Variants in TF observed in about 807,000 individuals in gnomAD.
TF encodes transferrin.
A neutral mutation model predicts 82.4 loss-of-function variants in TF; 55 were observed. The ratio of observed to expected loss-of-function variants is 0.67; its 90% CI spans 0.54 to 0.84. TF has a LOEUF of 0.84. Ranked by LOEUF, TF falls within the 40% of genes least tolerant of loss-of-function variation. The pLI is 0.00. For synonymous variants in TF, 332 were observed against 332.6 expected (o/e 1.00, Z 0.02); for missense variants, 737 against 868.4 (o/e 0.85, Z 1.90).
upstream of TF, among the ~76,000 whole-genome samples, chr3:133,741,174 T>G (rs1343921778): frequency 6.6e-6 from 1 of 151,880 alleles, no homozygotes; most frequent in Non-Finnish European, 1.5e-5. Flanking sequence ...GTATTTTTAG[T>G]AGAGAAGGGG....
At chr3:133,698,728 T>A in the TF span, among the ~76,000 whole-genome samples, 2 of 152,220 alleles carry the variant, frequency 1.3e-5, no homozygotes, top group African/African-American at 4.8e-5. Flanking sequence ...GGTCCCTATT[T>A]CCAAATAAGG....
rs1013075107 is a variant in TF, at chr3:133,795,392, C to T, written c.*16772C>T. 2 of 152,038 alleles carry T rather than the reference C, an allele frequency of 1.3e-5. No individual in the cohort carries two copies. The highest frequency in any genetic ancestry group is 4.8e-5 in the African/African-American group (2 of 41,372). The allele number at this position is 152,038 out of a possible 1,614,324, so 9.4% of individuals were successfully genotyped here. A position where few individuals can be genotyped will look rare whatever the true frequency, so the allele number is the denominator to read the frequency against. On this transcript the variant is annotated 3_prime_UTR_variant, in exon 17 of 17. Transcript: ENST00000402696. ...TGCCACCTCTAGAATGTCAAATGGC[C>T]TCTCTTCAACTGGAATGACAAGAGC...
At chr3:133,753,440 CAG>C (rs8177214) in intron 2 of TF, among the ~76,000 whole-genome samples, 153 bp from the exon 3 acceptor site, 15,190 of 152,194 alleles carry the variant, frequency 0.1, 796 homozygotes, top group Non-Finnish European at 0.11. Flanking sequence ...GCGAGGGAGA[CAG>C]AGTCAACTGA....
At position 133,792,398 on chromosome 3, in the gene TF, C is replaced by T. The variant is rs771042694; in HGVS notation, c.*13778C>T. The T allele has an allele frequency of 1.3e-5, 2 of 152,114 alleles. No individual in the cohort carries two copies. The highest frequency in any genetic ancestry group is 2.4e-5 in the African/African-American group (1 of 41,406). The allele number at this position is 152,114 out of a possible 1,614,324, so 9.4% of individuals were successfully genotyped here. A position where few individuals can be genotyped will look rare whatever the true frequency, so the allele number is the denominator to read the frequency against. On this transcript the variant is annotated 3_prime_UTR_variant, in exon 17 of 17. Coordinates refer to ENST00000402696, the MANE Select transcript of TF (RefSeq NM_001063.4). ...AATATACAATTTAACGGTGATTAGA[C>T]CTCCTAAATGCTTCATAAAATGCCA...
At chr3:133,681,707 T>G in the TF span, among the ~76,000 whole-genome samples, 4 of 152,134 alleles carry the variant, frequency 2.6e-5, no homozygotes, top group African/African-American at 7.2e-5. Context: ...GCCCAGAAGC[T>G]CGAACTGGGT....
At chr3:133,689,231 T>A in the TF span, among the ~76,000 whole-genome samples, 3 of 151,690 alleles carry the variant, frequency 2.0e-5, no homozygotes, top group African/African-American at 7.3e-5. Context: ...TACTTGGGAG[T>A]CTGAGGCAGG....
the TF span, among the ~76,000 whole-genome samples, chr3:133,663,869 T>G: frequency 1.3e-5 from 2 of 152,192 alleles, no homozygotes; most frequent in African/African-American, 4.8e-5. Flanking sequence ...AAATGCACCC[T>G]TTAGCTTTTA....
the TF span, among the ~76,000 whole-genome samples, chr3:133,722,590 A>C: frequency 3.9e-4 from 59 of 152,194 alleles, 1 homozygote; most frequent in East Asian, 3.9e-3. Context: ...TGTGGTTACC[A>C]TGGGGCTAAT....
At chr3:133,729,793 C>G in the TF span, among the ~76,000 whole-genome samples, 1 of 152,150 alleles carries the variant, frequency 6.6e-6, no homozygotes. Context: ...TCCTATTCGG[C>G]CATCTTGGCT....
upstream of TF, among the ~76,000 whole-genome samples, chr3:133,745,388 G>C (rs1056982994): frequency 6.6e-6 from 1 of 152,176 alleles, no homozygotes; most frequent in Non-Finnish European, 1.5e-5. Context: ...CCTGTATAAG[G>C]CCGCATAAGC....
chr3:133,736,089 A>T, the TF span, among the ~76,000 whole-genome samples: 1,838 of 152,352 alleles, frequency 0.012, 39 homozygotes, highest in African/African-American at 0.041. Flanking sequence ...GAAGCCCATC[A>T]GACTAACAGC....
At chr3:133,759,444 C>A in intron 9 of TF, 115 bp downstream of exon 9, 1 of 1,299,130 alleles carries the variant, frequency 7.7e-7, no homozygotes, top group South Asian at 1.2e-5. Flanking sequence ...TCCCAGGAAC[C>A]TTGCCCTGAC....
At chr3:133,680,538 T>G in the TF span, among the ~76,000 whole-genome samples, 1 of 151,490 alleles carries the variant, frequency 6.6e-6, no homozygotes, top group African/African-American at 2.4e-5. Flanking sequence ...CTTTTCTTTT[T>G]TTTTTTTTGA....
Position 133,778,713 on chromosome 3 carries a change from T to A in TF, c.*93T>A. 3.0e-6 allele frequency: 4 copies of A among 1,326,528 alleles called. No individual in the cohort carries two copies. Among genetic ancestry groups the A allele is most frequent in the Non-Finnish European group, 3.2e-6 (3 of 929,708 alleles). The allele number at this position is 1,326,528 out of a possible 1,614,324, so 82.2% of individuals were successfully genotyped here. On this transcript the variant is annotated 3_prime_UTR_variant, in exon 17 of 17. Transcript: ENST00000402696. ...TTTCACTGGCCCAAGTGGTTTGTGCTAACCACGTCTGTCTTCACAGCTCTG... is the reference window on the plus strand; with the variant it reads ...TTTCACTGGCCCAAGTGGTTTGTGCAAACCACGTCTGTCTTCACAGCTCTG...
the TF span, among the ~76,000 whole-genome samples, chr3:133,725,607 G>A: frequency 1.5e-4 from 23 of 151,926 alleles, no homozygotes; most frequent in African/African-American, 3.6e-4. Context: ...TGCAAACAGG[G>A]ACAATTTGAC....
At chr3:133,682,911 T>C in the TF span, among the ~76,000 whole-genome samples, 22 of 151,818 alleles carry the variant, frequency 1.4e-4, 1 homozygote, top group African/African-American at 5.3e-4. Context: ...ATTGTCAGAT[T>C]CAAGTTGAAA....
the TF span, among the ~76,000 whole-genome samples, chr3:133,731,609 C>G: frequency 1.3e-5 from 2 of 152,184 alleles, no homozygotes; most frequent in African/African-American, 4.8e-5. Flanking sequence ...GGTATGTAGT[C>G]TATGTTGGGT....
the TF span, among the ~76,000 whole-genome samples, chr3:133,674,105 G>T: frequency 2.0e-5 from 3 of 152,232 alleles, no homozygotes; most frequent in African/African-American, 7.2e-5. Context: ...TGTTCAAAAC[G>T]TTGGGTATAT....
the TF span, chr3:133,712,633 C>G: frequency 6.5e-6 from 1 of 153,534 alleles, no homozygotes; most frequent in Non-Finnish European, 1.5e-5. Flanking sequence ...GAGGGCTGAT[C>G]CTGACCTCTG....
Sources: allele counts gnomAD v4.1 joint callset (sites outside exome capture counted in the v4.1 genomes callset), GRCh38; gene constraint gnomAD v4.1.1; transcripts MANE v1.5; gene names NCBI Gene and HGNC (gene_info 2026-07-23, HGNC 2026-07-21).